The following PKD2 variants were observed in gnomAD, a reference collection of about 807,000 sequenced individuals.
The protein encoded by PKD2 is polycystin-2.
PKD2 carries 48 observed loss-of-function variants against 105.9 expected under a neutral mutation model. The ratio of observed to expected loss-of-function variants is 0.45; its 90% CI spans 0.36 to 0.58. The LOEUF (loss-of-function observed/expected upper bound fraction) is 0.58. Among genes scored for constraint, PKD2 ranks in the 20% least tolerant of loss-of-function variants. PKD2 has a pLI of 0.00. For missense variants in PKD2, 1,078 were observed against 1,255.3 expected, an observed-to-expected ratio of 0.86 and a Z score of 2.13; for synonymous variants, 464 against 481.1, an observed-to-expected ratio of 0.96 and a Z score of 0.46.
At chr4:88,070,583 T>C (rs1578150721) in intron 13 of PKD2, among the ~76,000 whole-genome samples, 1 of 72,686 alleles carries the variant, frequency 1.4e-5, no homozygotes, top group South Asian at 5.1e-4. Flanking sequence ...TTTATATATA[T>C]ATATATATAT....
At chr4:88,070,431 C>T (rs1198659423) in intron 13 of PKD2, among the ~76,000 whole-genome samples, 3 of 151,592 alleles carry the variant, frequency 2.0e-5, no homozygotes, top group African/African-American at 4.8e-5. Flanking sequence ...AGGCTCTGTT[C>T]GTCGTCATTT....
Position 88,040,306 on chromosome 4 carries a change from C to G in PKD2, c.1094+1805C>G, listed in dbSNP as rs541053116. 1.9e-4 allele frequency among the ~76,000 whole-genome samples: 29 copies of G among 152,318 alleles called. No homozygotes were observed. In the South Asian group the frequency reaches 3.3e-3, roughly 17 times the overall value. On this transcript the variant is annotated intron_variant, in intron 4 of 14. Coordinates refer to ENST00000237596, the MANE Select transcript of PKD2 (RefSeq NM_000297.4). ...CTTGTCGACGCTCTCAGCTCCCCAT[C>G]AGTACTCAAGCTTCCTGAGGGCAGG...
intron 7 of PKD2, among the ~76,000 whole-genome samples, chr4:88,054,176 A>G (rs1355994098): frequency 6.6e-6 from 1 of 151,910 alleles, no homozygotes; most frequent in Non-Finnish European, 1.5e-5. Flanking sequence ...CGGGCAGATC[A>G]CCTGACGTCG....
At chr4:88,013,642 C>T (rs1726458890) in intron 1 of PKD2, among the ~76,000 whole-genome samples, 1 of 151,024 alleles carries the variant, frequency 6.6e-6, no homozygotes, top group Admixed American at 6.6e-5. Flanking sequence ...ATTGAGGCTG[C>T]AGTGAGCTGT....
intron 1 of PKD2, among the ~76,000 whole-genome samples, chr4:88,018,324 A>G (rs866963111): frequency 6.6e-6 from 1 of 152,252 alleles, no homozygotes; most frequent in Non-Finnish European, 1.5e-5. Flanking sequence ...TAAAAAATAC[A>G]TGAACACTAA....
chr4:88,048,600 C>T (rs375711187), intron 6 of PKD2, among the ~76,000 whole-genome samples: 24 of 152,186 alleles, frequency 1.6e-4, no homozygotes, highest in African/African-American at 5.8e-4. Flanking sequence ...CTTCACTACT[C>T]TGCCACTGCC....
chr4:88,068,069 T>G lies in PKD2; in HGVS notation c.2522+8T>G, dbSNP rs768509396. The G allele has an allele frequency of 1.9e-6, 3 of 1,613,266 alleles. No individual in the cohort carries two copies. The highest frequency in any genetic ancestry group is 3.3e-5 in the Admixed American group (2 of 60,022). ...TTACGAAGAGTTTCAAGTGTAAGTA[T>G]AAAGGAATTGGCAGAATTTGCGTTG... On this transcript the variant is annotated splice_region_variant and intron_variant, in intron 13 of 14. Transcript: ENST00000237596.
chr4:88,021,594 C>T (rs534873062), intron 2 of PKD2, among the ~76,000 whole-genome samples: 6 of 152,246 alleles, frequency 3.9e-5, no homozygotes, highest in African/African-American at 1.2e-4. Flanking sequence ...TTAAAACATC[C>T]GTCTCAGATG....
intron 6 of PKD2, among the ~76,000 whole-genome samples, chr4:88,047,527 CT>C (rs1247986655): frequency 2.0e-4 from 30 of 152,284 alleles, no homozygotes; most frequent in African/African-American, 6.5e-4. Context: ...CACCACTGCA[CT>C]GCAGCCTGGG....
intron 4 of PKD2, among the ~76,000 whole-genome samples, chr4:88,039,270 T>G (rs1447124725): frequency 6.6e-6 from 1 of 152,182 alleles, no homozygotes; most frequent in Non-Finnish European, 1.5e-5. Flanking sequence ...AATCCACATT[T>G]GTTACTATAC....
At chr4:88,037,143 A>G (rs1035296856) in intron 3 of PKD2, among the ~76,000 whole-genome samples, 3 of 152,128 alleles carry the variant, frequency 2.0e-5, no homozygotes, top group African/African-American at 7.2e-5. Context: ...AGGTGGGAGA[A>G]TCACTTGAGC....
chr4:88,047,555 T>G (rs1347572968), intron 6 of PKD2, among the ~76,000 whole-genome samples: 1 of 152,102 alleles, frequency 6.6e-6, no homozygotes, highest in Non-Finnish European at 1.5e-5. Context: ...AGTGAGACCT[T>G]GCCTCAAAAA....
chr4:88,058,039 C>T lies in PKD2; in HGVS notation c.1955C>T (p.Ala652Val). Residue 652 changes from alanine (A) to valine (V), a missense_variant, in exon 9 of 15, where the codon GCT becomes GTT. By Grantham distance (64) the Ala-to-Val change is moderately conservative. Transcript: ENST00000237596. ...GDINFAEIEE[A>V]NRVLGPIYFT... ...ATCAACTTTGCAGAGATTGAGGAAG[C>T]TAATCGAGTTTTGGGACCAATTTAT... The T allele has an allele frequency of 6.4e-7, 1 of 1,566,530 alleles. No individual in the cohort carries two copies. Among genetic ancestry groups the T allele is most frequent in the Non-Finnish European group, 8.8e-7 (1 of 1,136,772 alleles).
At chr4:88,054,468 AG>A (rs1314802895) in intron 7 of PKD2, among the ~76,000 whole-genome samples, 5 of 152,046 alleles carry the variant, frequency 3.3e-5, no homozygotes, top group Non-Finnish European at 7.4e-5. Flanking sequence ...ATGTGATTAC[AG>A]CAATCCTCAA....
chr4:88,075,985 C>A lies in PKD2; in HGVS notation c.*291C>A. 5.6e-6 allele frequency: 2 copies of A among 356,986 alleles called. No homozygotes were observed. The highest frequency in any genetic ancestry group is 1.0e-5 in the Non-Finnish European group (2 of 192,924). 22.1% of individuals were successfully genotyped at this position (356,986 alleles called of 1,614,324 possible). ...AGTTGCCACCATGACTGAGTCTTCT[C>A]AGTTGACAATGAAGTAGCCTTTTAA... On this transcript the variant is annotated 3_prime_UTR_variant, in exon 15 of 15. Coordinates refer to ENST00000237596, the MANE Select transcript of PKD2 (RefSeq NM_000297.4).
At chr4:88,043,556 A>C in intron 5 of PKD2, 99 bp downstream of exon 5, 1 of 822,868 alleles carries the variant, frequency 1.2e-6, no homozygotes, top group Non-Finnish European at 2.0e-6. Flanking sequence ...AGTTAGCTAC[A>C]TGAGGATGCC....
intron 2 of PKD2, among the ~76,000 whole-genome samples, chr4:88,035,829 C>T (rs1727311709): frequency 6.6e-6 from 1 of 152,042 alleles, no homozygotes; most frequent in Admixed American, 6.6e-5. Context: ...GGGTGGGGAG[C>T]CCAGCATATA....
In PKD2 at chr4:88,046,809, G is replaced by A. The variant is rs746049242; in HGVS notation, c.1487G>A (p.Arg496His). The A allele has an allele frequency of 5.5e-5, 88 of 1,611,768 alleles. No individual in the cohort carries two copies. Among genetic ancestry groups the A allele is most frequent in the Middle Eastern group, 1.6e-4 (1 of 6,070 alleles). ...YYVVEEILEI[R>H]IHKLHYFRSF... ...GTGGTGGAAGAGATATTGGAAATTC[G>A]CATTCACAAACTACACTATTTCAGG... The change falls in exon 6 of 15, where the codon CGC (arginine) becomes CAC (histidine). Residue 496 changes from arginine to histidine, a missense_variant. By Grantham distance (29) the Arg-to-His change is conservative. This residue lies in a region of PKD2 where 868 missense variants were observed against 1,067.3 expected (regional missense o/e 0.81). Transcript: ENST00000237596.
At chr4:88,030,270 A>C (rs996722747) in intron 2 of PKD2, among the ~76,000 whole-genome samples, 1 of 151,990 alleles carries the variant, frequency 6.6e-6, no homozygotes, top group Admixed American at 6.6e-5. Flanking sequence ...TCAGCCTCCC[A>C]TGTAGTTGGG....
Sources: gnomAD v4.1 joint callset for allele counts (sites outside exome capture counted in the v4.1 genomes callset) on GRCh38, gnomAD v4.1.1 for gene constraint, gnomAD v4.1.1 regional missense constraint, MANE v1.5 for transcripts, NCBI Gene and HGNC (gene_info 2026-07-23, HGNC 2026-07-21) for gene names.